RUNX2: variants seen among roughly 807,000 people sequenced by gnomAD.
RUNX2 encodes the protein RUNX family transcription factor 2.
In RUNX2, 10 loss-of-function variants were observed where a neutral mutation model predicts 51.7. That is an observed-to-expected ratio of 0.19 (90% CI 0.12 to 0.33). The LOEUF is 0.33. RUNX2 is among the 10% of genes least tolerant of loss of function. The pLI is 1.00. For missense variants in RUNX2, 562 were observed against 691.3 expected (o/e 0.81, Z 2.10); for synonymous variants, 276 against 273.6 (o/e 1.01, Z -0.09).
At chr6:45,464,021 G>A (rs1193559436) in intron 5 of RUNX2, among the ~76,000 whole-genome samples, 3 of 151,992 alleles carry the variant, frequency 2.0e-5, no homozygotes, top group South Asian at 2.1e-4. Flanking sequence ...GTGAAACCCC[G>A]TCCCTACTAA....
chr6:45,376,957 C>A (rs1733553392), intron 2 of RUNX2, among the ~76,000 whole-genome samples: 1 of 151,694 alleles, frequency 6.6e-6, no homozygotes, highest in African/African-American at 2.4e-5. Flanking sequence ...TTCTATTAGC[C>A]TCTTGGAGAA....
chr6:45,501,203 A>G (rs1380961055), intron 6 of RUNX2, among the ~76,000 whole-genome samples: 1 of 152,258 alleles, frequency 6.6e-6, no homozygotes, highest in African/African-American at 2.4e-5. Context: ...TGACCAGGTC[A>G]GTAGGGGTCT....
chr6:45,445,214 C>T (rs913074695), intron 5 of RUNX2, among the ~76,000 whole-genome samples: 4 of 151,902 alleles, frequency 2.6e-5, no homozygotes, highest in African/African-American at 9.7e-5. Context: ...TTAGTGGAGA[C>T]GGGATTTCAC....
intron 5 of RUNX2, among the ~76,000 whole-genome samples, chr6:45,482,908 G>A (rs1348983140): frequency 1.3e-5 from 2 of 152,176 alleles, no homozygotes; most frequent in African/African-American, 2.4e-5. Context: ...TTTAAGAGCT[G>A]AAAGGGGACT....
intron 2 of RUNX2, among the ~76,000 whole-genome samples, chr6:45,380,424 A>T (rs1480820950): frequency 6.6e-6 from 1 of 152,224 alleles, no homozygotes; most frequent in Non-Finnish European, 1.5e-5. Context: ...ATATTCACGT[A>T]GACTCACTAG....
chr6:45,382,740 T>A (rs573356420), intron 2 of RUNX2, among the ~76,000 whole-genome samples: 53 of 152,338 alleles, frequency 3.5e-4, no homozygotes, highest in African/African-American at 1.3e-3. Context: ...ATTGACATCG[T>A]AAGATTTAGG....
chr6:45,523,239 G>A (rs1036198161), intron 7 of RUNX2, among the ~76,000 whole-genome samples: 1 of 152,076 alleles, frequency 6.6e-6, no homozygotes, highest in African/African-American at 2.4e-5. Context: ...ATAGAAAGGG[G>A]ACAGAGGAAC....
chr6:45,407,344 C>T (rs1043960820), intron 2 of RUNX2, among the ~76,000 whole-genome samples: 1 of 152,124 alleles, frequency 6.6e-6, no homozygotes, highest in South Asian at 2.1e-4. Context: ...CCACTACTAG[C>T]AGCCTCAGAT....
chr6:45,333,400 A>C (rs895670231), intron 2 of RUNX2, among the ~76,000 whole-genome samples: 1 of 151,536 alleles, frequency 6.6e-6, no homozygotes, highest in African/African-American at 2.4e-5. Context: ...TTCAGATTAA[A>C]TGCTCTTTTA....
At chr6:45,520,863 G>A (rs1013048409) in intron 7 of RUNX2, among the ~76,000 whole-genome samples, 1 of 152,088 alleles carries the variant, frequency 6.6e-6, no homozygotes, top group Admixed American at 6.6e-5. Flanking sequence ...TGGGATTGCA[G>A]GCATGAGCCA....
chr6:45,452,173 T>C (rs1424906349), intron 5 of RUNX2, among the ~76,000 whole-genome samples: 1 of 152,272 alleles, frequency 6.6e-6, no homozygotes, highest in East Asian at 1.9e-4. Context: ...CATTTTTGTC[T>C]GTTCCTCCCT....
At chr6:45,339,230 A>C (rs1325150853) in intron 2 of RUNX2, among the ~76,000 whole-genome samples, 1 of 152,144 alleles carries the variant, frequency 6.6e-6, no homozygotes, top group African/African-American at 2.4e-5. Context: ...TTCTTATGTT[A>C]CAGTGGTATC....
chr6:45,428,459 A>AG (rs1310410792), intron 3 of RUNX2, among the ~76,000 whole-genome samples: 13 of 152,158 alleles, frequency 8.5e-5, no homozygotes, highest in Non-Finnish European at 1.8e-4. Flanking sequence ...AGTGAATAGC[A>AG]GAAAAAAAAC....
chr6:45,433,516 A>G (rs936950239), intron 4 of RUNX2, among the ~76,000 whole-genome samples: 1 of 151,782 alleles, frequency 6.6e-6, no homozygotes. Context: ...AGAGTAATGA[A>G]TTTTAGTTTT....
At chr6:45,475,123 T>TAA (rs35187443) in intron 5 of RUNX2, among the ~76,000 whole-genome samples, 295 of 129,022 alleles carry the variant, frequency 2.3e-3, no homozygotes, top group South Asian at 0.014. Flanking sequence ...GACTCCATCT[T>TAA]AAAAAAAAAA....
At chr6:45,375,085 T>C (rs1234407558) in intron 2 of RUNX2, among the ~76,000 whole-genome samples, 1 of 152,152 alleles carries the variant, frequency 6.6e-6, no homozygotes, top group Non-Finnish European at 1.5e-5. Context: ...CATGTGCCTG[T>C]AATCCCAGCT....
At position 45,528,014 on chromosome 6, in the gene RUNX2, G is replaced by A. The variant is rs145855624; in HGVS notation, c.1021+15607G>A. On this transcript the variant is annotated intron_variant, in intron 7 of 8. Transcript: ENST00000647337. ...GGAAGCCTCAATCATGGCAAAACGCGAAAGAGGAGAAAGGCACATCTTACA... is the reference window on the plus strand; with the variant it reads ...GGAAGCCTCAATCATGGCAAAACGCAAAAGAGGAGAAAGGCACATCTTACA... 3.9e-4 allele frequency among the ~76,000 whole-genome samples: 60 copies of A among 152,276 alleles called. 1 individual carries two copies. The South Asian group carries it at 8.3e-3, about 21-fold the overall frequency.
rs527947846 is a variant in RUNX2 at position 45,473,435 on chromosome 6, CA to C, written c.686-18505del. Among the ~76,000 whole-genome samples, 962 of 152,298 alleles carry C rather than the reference CA, an allele frequency of 6.3e-3. 8 individuals carry two copies. Among genetic ancestry groups the C allele is most frequent in the African/African-American group, 0.022 (900 of 41,554 alleles). ...GTTGTTACTTAACTTGGAAGATGGA[CA>C]CATCTCTCTCCTTTTCTTTGACCCA... On this transcript the variant is annotated intron_variant, in intron 5 of 8. Coordinates refer to ENST00000647337, the MANE Select transcript of RUNX2 (RefSeq NM_001024630.4).
chr6:45,439,580 C>T lies in RUNX2; in HGVS notation c.685+1529C>T, dbSNP rs1004104889. On this transcript the variant is annotated intron_variant, in intron 5 of 8. Coordinates refer to ENST00000647337, the MANE Select transcript of RUNX2 (RefSeq NM_001024630.4). ...ATAGTTGGTTTTTAAAATGTAGCACCGCTAATACTTATCTCTTAAAGATAT... is the reference window on the plus strand; with the variant it reads ...ATAGTTGGTTTTTAAAATGTAGCACTGCTAATACTTATCTCTTAAAGATAT... Among the ~76,000 whole-genome samples, 11 of 152,276 alleles carry T rather than the reference C, an allele frequency of 7.2e-5. No homozygotes were observed. In the East Asian group the frequency reaches 7.7e-4, roughly 11 times the overall value.
Sources: gnomAD v4.1 joint callset for allele counts (sites outside exome capture counted in the v4.1 genomes callset) on GRCh38, gnomAD v4.1.1 for gene constraint, MANE v1.5 for transcripts, NCBI Gene and HGNC (gene_info 2026-07-23, HGNC 2026-07-21) for gene names.